Variants in FHIP1A observed in about 807,000 individuals in gnomAD.
The protein encoded by FHIP1A is FHF complex subunit HOOK-interacting protein 1A.
Under a neutral mutation model 88.6 loss-of-function variants are expected in FHIP1A, and 61 were observed. The observed-to-expected ratio is 0.69, with a 90% CI of 0.56 to 0.85. The LOEUF is 0.85. Ranked by LOEUF, FHIP1A falls within the 40% of genes least tolerant of loss-of-function variation. The pLI is 0.00. For synonymous variants in FHIP1A, 478 were observed against 496.0 expected (o/e 0.96, Z 0.48); for missense variants, 1,154 against 1,273.5 (o/e 0.91, Z 1.43).
chr4:151,521,726 T>G (rs928243925), intron 3 of FHIP1A, among the ~76,000 whole-genome samples: 5 of 151,322 alleles, frequency 3.3e-5, no homozygotes, highest in Non-Finnish European at 5.9e-5. Context: ...TGTATGTATT[T>G]TTTTATTTAT....
intron 1 of FHIP1A, among the ~76,000 whole-genome samples, chr4:151,445,075 A>T (rs1728543237): frequency 6.6e-6 from 1 of 152,162 alleles, no homozygotes; most frequent in African/African-American, 2.4e-5. Flanking sequence ...TACAACTTCT[A>T]TCTGACTTGG....
chr4:151,432,444 A>G (rs1424042742), intron 1 of FHIP1A, among the ~76,000 whole-genome samples: 1 of 152,198 alleles, frequency 6.6e-6, no homozygotes, highest in Non-Finnish European at 1.5e-5. Context: ...TGAACAAAGC[A>G]AGCAAGGTTC....
At chr4:151,573,954 A>G (rs1450210124) in intron 4 of FHIP1A, among the ~76,000 whole-genome samples, 1 of 152,238 alleles carries the variant, frequency 6.6e-6, no homozygotes, top group African/African-American at 2.4e-5. Context: ...GTTCTTTGGC[A>G]TTTCAGTGCA....
intron 7 of FHIP1A, among the ~76,000 whole-genome samples, chr4:151,597,681 T>C (rs1201125431): frequency 2.0e-5 from 3 of 152,184 alleles, no homozygotes; most frequent in Non-Finnish European, 4.4e-5. Flanking sequence ...GTTTTATCTC[T>C]AAGCCCCTGA....
intron 3 of FHIP1A, among the ~76,000 whole-genome samples, chr4:151,494,072 A>G (rs917966493): frequency 1.3e-5 from 2 of 152,066 alleles, no homozygotes; most frequent in African/African-American, 2.4e-5. Flanking sequence ...TACTTAGAAA[A>G]CCCTAAAAAC....
At chr4:151,657,738 T>C (rs567413013) in intron 13 of FHIP1A, among the ~76,000 whole-genome samples, 1 of 152,262 alleles carries the variant, frequency 6.6e-6, no homozygotes, top group South Asian at 2.1e-4. Context: ...AGGCTCTCAG[T>C]CCTGGGCCAA....
chr4:151,653,319 G>T (rs1737100564), intron 11 of FHIP1A, among the ~76,000 whole-genome samples: 1 of 152,002 alleles, frequency 6.6e-6, no homozygotes, highest in African/African-American at 2.4e-5. Flanking sequence ...GGTCTCTAGG[G>T]TGTATTGTTA....
At chr4:151,551,792 A>C (rs1466714893) in intron 3 of FHIP1A, among the ~76,000 whole-genome samples, 1 of 152,248 alleles carries the variant, frequency 6.6e-6, no homozygotes, top group Non-Finnish European at 1.5e-5. Flanking sequence ...TTCATGTCTA[A>C]AACACCAAAA....
intron 3 of FHIP1A, among the ~76,000 whole-genome samples, chr4:151,504,030 C>T (rs1467843137): frequency 6.6e-6 from 1 of 152,190 alleles, no homozygotes; most frequent in Non-Finnish European, 1.5e-5. Context: ...CATATTTGTA[C>T]AAACAATAGC....
At chr4:151,525,977 T>G (rs1255593845) in intron 3 of FHIP1A, among the ~76,000 whole-genome samples, 2 of 152,022 alleles carry the variant, frequency 1.3e-5, no homozygotes, top group African/African-American at 4.8e-5. Flanking sequence ...GCATGCTGCC[T>G]TCAAGCATCT....
intron 3 of FHIP1A, among the ~76,000 whole-genome samples, chr4:151,508,768 C>A (rs1367672360): frequency 6.6e-6 from 1 of 152,072 alleles, no homozygotes; most frequent in African/African-American, 2.4e-5. Flanking sequence ...TTGACTTGAC[C>A]CTGTCAGAGA....
chr4:151,467,273 G>A (rs1486162625), intron 2 of FHIP1A, among the ~76,000 whole-genome samples: 1 of 152,206 alleles, frequency 6.6e-6, no homozygotes, highest in Admixed American at 6.5e-5. Context: ...ACCACAATGA[G>A]ATACCATCTC....
intron 7 of FHIP1A, among the ~76,000 whole-genome samples, chr4:151,599,969 T>C (rs760322412): frequency 6.6e-6 from 1 of 152,236 alleles, no homozygotes; most frequent in Non-Finnish European, 1.5e-5. Context: ...GCAGTCATGA[T>C]GATTATGCTG....
chr4:151,510,404 C>A (rs970263761), intron 3 of FHIP1A, among the ~76,000 whole-genome samples: 1 of 152,180 alleles, frequency 6.6e-6, no homozygotes, highest in African/African-American at 2.4e-5. Flanking sequence ...GCTACCATGC[C>A]TGGCCCTATC....
intron 7 of FHIP1A, among the ~76,000 whole-genome samples, chr4:151,598,142 G>A (rs1252386702): frequency 6.6e-6 from 1 of 152,142 alleles, no homozygotes; most frequent in African/African-American, 2.4e-5. Flanking sequence ...GTTTTGTGCT[G>A]GAAACCCAGG....
chr4:151,441,394 A>T (rs954926640), intron 1 of FHIP1A, among the ~76,000 whole-genome samples: 9 of 152,080 alleles, frequency 5.9e-5, no homozygotes, highest in African/African-American at 2.2e-4. Flanking sequence ...AGTAATAGTA[A>T]TGGCTTCAAA....
At chr4:151,521,268 G>A (rs918707372) in intron 3 of FHIP1A, among the ~76,000 whole-genome samples, 1 of 152,152 alleles carries the variant, frequency 6.6e-6, no homozygotes, top group Admixed American at 6.5e-5. Context: ...AAGTGTTTGT[G>A]ATTCTTTTCT....
chr4:151,563,431 C>T (rs1733251423), intron 3 of FHIP1A, among the ~76,000 whole-genome samples: 1 of 152,074 alleles, frequency 6.6e-6, no homozygotes, highest in South Asian at 2.1e-4. Flanking sequence ...GCATGTGTGT[C>T]TTTACGGGAA....
At chr4:151,597,689 T>C (rs1734702992) in intron 7 of FHIP1A, among the ~76,000 whole-genome samples, 1 of 152,192 alleles carries the variant, frequency 6.6e-6, no homozygotes, top group Non-Finnish European at 1.5e-5. Flanking sequence ...TCTAAGCCCC[T>C]GACTGGGGCT....
Sources: gnomAD v4.1 joint callset for allele counts (sites outside exome capture counted in the v4.1 genomes callset) on GRCh38, gnomAD v4.1.1 for gene constraint, MANE v1.5 for transcripts, NCBI Gene and HGNC (gene_info 2026-07-23, HGNC 2026-07-21) for gene names.